SLMAP: variants seen among roughly 807,000 people sequenced by gnomAD.
The protein encoded by SLMAP is sarcolemmal membrane-associated protein.
In SLMAP, 44 loss-of-function variants were observed where a neutral mutation model predicts 128.8. That is an observed-to-expected ratio of 0.34 (90% CI 0.27 to 0.44). The LOEUF is 0.44. Among genes scored for constraint, SLMAP ranks in the 20% least tolerant of loss-of-function variants. The probability of loss-of-function intolerance (pLI) is 1.00; values close to 1 mark genes in which losing one functional copy is unlikely to be tolerated. For synonymous variants in SLMAP, 327 were observed against 348.8 expected (o/e 0.94, Z 0.70); for missense variants, 787 against 985.3 (o/e 0.80, Z 2.69).
intron 2 of SLMAP, among the ~76,000 whole-genome samples, chr3:57,809,684 C>G (rs1310878078): frequency 2.6e-5 from 4 of 152,172 alleles, no homozygotes; most frequent in African/African-American, 9.7e-5. Context: ...CTTTTCCGGT[C>G]CCATTCATGG....
chr3:57,776,786 A>G (rs2082043831), intron 2 of SLMAP, among the ~76,000 whole-genome samples: 1 of 151,768 alleles, frequency 6.6e-6, no homozygotes, highest in South Asian at 2.1e-4. Context: ...CAGCCTCCCA[A>G]AGTGCTGGGA....
rs75146875 is a variant in SLMAP at position 57,779,508 on chromosome 3, CAAAAAAA to C, written c.198+21670_198+21676del. Among the ~76,000 whole-genome samples the C allele has an allele frequency of 3.8e-5, 3 of 79,804 alleles. 1 individual carries two copies. Among genetic ancestry groups the C allele is most frequent in the South Asian group, 9.0e-4 (2 of 2,232 alleles). The allele number at this position is 79,804 out of a possible 152,430, so 52.4% of individuals were successfully genotyped here. A position where few individuals can be genotyped will look rare whatever the true frequency, so the allele number is the denominator to read the frequency against. On this transcript the variant is annotated intron_variant, in intron 2 of 24. Coordinates refer to ENST00000671191, the MANE Select transcript of SLMAP (RefSeq NM_001377540.1). ...TGGGCAACAGAGTGAGACCCTGTTT[CAAAAAAA>C]AAAAAAAAAACAAAAATAAAATAAA...
intron 2 of SLMAP, among the ~76,000 whole-genome samples, chr3:57,797,223 G>A (rs1264886092): frequency 6.7e-5 from 10 of 148,198 alleles, no homozygotes; most frequent in South Asian, 6.5e-4. Flanking sequence ...GGTGGCTCAC[G>A]CCTGTAATCC....
intron 2 of SLMAP, among the ~76,000 whole-genome samples, chr3:57,798,818 T>C (rs922015621): frequency 9.2e-5 from 14 of 152,202 alleles, no homozygotes; most frequent in South Asian, 4.1e-4. Context: ...TATAATATTA[T>C]TTTATTTCAC....
chr3:57,802,616 A>G (rs761010482), intron 2 of SLMAP, among the ~76,000 whole-genome samples: 2 of 152,180 alleles, frequency 1.3e-5, no homozygotes, highest in Non-Finnish European at 2.9e-5. Context: ...CAAACAAATA[A>G]TGTCATATAA....
At chr3:57,857,351 A>C (rs2094841721) in intron 6 of SLMAP, among the ~76,000 whole-genome samples, 1 of 152,172 alleles carries the variant, frequency 6.6e-6, no homozygotes, top group African/African-American at 2.4e-5. Flanking sequence ...CCCTATATCT[A>C]CTATGTTTTT....
chr3:57,792,540 G>A (rs1455964650), intron 2 of SLMAP, among the ~76,000 whole-genome samples: 1 of 151,886 alleles, frequency 6.6e-6, no homozygotes, highest in East Asian at 1.9e-4. Context: ...TATTGGTTTT[G>A]TCTATTCTGT....
chr3:57,908,000 C>T lies in SLMAP; in HGVS notation c.1618C>T (p.Leu540Phe). 4 of 1,613,240 alleles carry T rather than the reference C, an allele frequency of 2.5e-6. No homozygotes were observed. Among genetic ancestry groups the T allele is most frequent in the Non-Finnish European group, 2.5e-6 (3 of 1,179,508 alleles). Residue 540 changes from leucine to phenylalanine, a missense_variant, in exon 18 of 25, where the codon CTT (leucine) becomes TTT (phenylalanine). Physicochemically the swap from Leu to Phe is conservative, Grantham distance 22. Transcript: ENST00000671191. ...ARTSKQKCFE[L>F]QALLEEERKA... ...AACAAGTAAACAAAAATGCTTTGAA[C>T]TTCAAGGTGAGATCAAGATTACTTT...
At chr3:57,776,588 G>T (rs1398392929) in intron 2 of SLMAP, among the ~76,000 whole-genome samples, 4 of 145,488 alleles carry the variant, frequency 2.7e-5, no homozygotes, top group Non-Finnish European at 4.5e-5. Flanking sequence ...GTGCAGTGGC[G>T]CAATCTTGGC....
chr3:57,892,307 T>A (rs940279309), intron 15 of SLMAP, among the ~76,000 whole-genome samples: 3 of 152,226 alleles, frequency 2.0e-5, no homozygotes, highest in African/African-American at 7.2e-5. Context: ...TACCGACTGT[T>A]ACCAGTCTTA....
At chr3:57,787,564 CCT>C in intron 2 of SLMAP, among the ~76,000 whole-genome samples, 1 of 152,210 alleles carries the variant, frequency 6.6e-6, no homozygotes, top group East Asian at 1.9e-4. Flanking sequence ...GCAACCTCTG[CCT>C]CTCGGGTTCA....
rs1031199912 is a variant in SLMAP at position 57,817,205 on chromosome 3, C to T, written c.199-14178C>T. Among the ~76,000 whole-genome samples, 9 of 152,034 alleles carry T rather than the reference C, an allele frequency of 5.9e-5. No individual in the cohort carries two copies. The South Asian group carries it at 1.5e-3, about 25-fold the overall frequency. ...TGGTTAGGGTAAGAGGAACTGTAATCGGAAGGGAAAGGCAGTATGCAATTG... is the reference window on the plus strand; with the variant it reads ...TGGTTAGGGTAAGAGGAACTGTAATTGGAAGGGAAAGGCAGTATGCAATTG... On this transcript the variant is annotated intron_variant, in intron 2 of 24. Transcript: ENST00000671191.
chr3:57,871,680 C>T lies in SLMAP; in HGVS notation c.1282C>T (p.Gln428Ter), dbSNP rs1427453239. The change falls in exon 14 of 25, where the codon CAA becomes TAA. Residue 428 changes from glutamine (Q) to a stop codon, truncating the protein, a stop_gained. Transcript: ENST00000671191. LOFTEE classifies it high-confidence loss of function. Reference protein sequence around the residue: ...KSGGDCTFIHQFIECQKKLIV... With the variant: ...KSGGDCTFIH ...TGGCGGGGACTGCACTTTTATTCAT[C>T]AATTCATAGAATGCCAGAGTGAGTA... The T allele has an allele frequency of 1.2e-6, 2 of 1,611,644 alleles. No individual in the cohort carries two copies. Among genetic ancestry groups the T allele is most frequent in the South Asian group, 1.1e-5 (1 of 90,956 alleles).
intron 15 of SLMAP, among the ~76,000 whole-genome samples, chr3:57,892,507 G>C (rs2096107483): frequency 6.6e-6 from 1 of 152,166 alleles, no homozygotes; most frequent in Admixed American, 6.6e-5. Flanking sequence ...TTAAACCTCA[G>C]TTCCCTCACT....
At position 57,813,019 on chromosome 3, in the gene SLMAP, C is replaced by T. The variant is rs371573878; in HGVS notation, c.199-18364C>T. 2.6e-4 allele frequency among the ~76,000 whole-genome samples: 39 copies of T among 151,570 alleles called. No homozygotes were observed. In the East Asian group the frequency reaches 7.2e-3, roughly 28 times the overall value. ...TTTATTCTAACAGTTTTTTTCTGGA[C>T]CATTTAGGGTTTTCTACATACAAGA... On this transcript the variant is annotated intron_variant, in intron 2 of 24. Coordinates refer to ENST00000671191, the MANE Select transcript of SLMAP (RefSeq NM_001377540.1).
chr3:57,837,138 T>C (rs2093676616), intron 3 of SLMAP, among the ~76,000 whole-genome samples: 1 of 152,234 alleles, frequency 6.6e-6, no homozygotes, highest in Non-Finnish European at 1.5e-5. Context: ...TGCTTTTTCC[T>C]ATGCCTAGAA....
intron 14 of SLMAP, among the ~76,000 whole-genome samples, chr3:57,884,586 T>C (rs1325448994): frequency 1.3e-5 from 2 of 152,142 alleles, no homozygotes; most frequent in Non-Finnish European, 2.9e-5. Context: ...GGTGGGCAGA[T>C]TGCTTGAGCT....
intron 23 of SLMAP, 63 bp downstream of exon 23, chr3:57,923,086 TTCAGAGGACTTTATCACTGATTTG>T: frequency 6.7e-7 from 1 of 1,486,042 alleles, no homozygotes; most frequent in South Asian, 1.2e-5. Flanking sequence ...GAAATTGATT[TTCAGAGGACTTTATCACTGATTTG>T]TGAAGCAAAT....
chr3:57,830,528 A>G (rs1051940513), intron 2 of SLMAP, among the ~76,000 whole-genome samples: 7 of 152,142 alleles, frequency 4.6e-5, no homozygotes, highest in Non-Finnish European at 8.8e-5. Flanking sequence ...TAGTAAGTCT[A>G]TTGTGTGTGA....
Sources: allele counts gnomAD v4.1 joint callset (sites outside exome capture counted in the v4.1 genomes callset), GRCh38; gene constraint gnomAD v4.1.1; transcripts MANE v1.5; gene names NCBI Gene and HGNC (gene_info 2026-07-23, HGNC 2026-07-21).